The following VDAC1 variants were observed in gnomAD, a reference collection of about 807,000 sequenced individuals.
The protein encoded by VDAC1 is non-selective voltage-gated ion channel VDAC1.
VDAC1 carries 10 observed loss-of-function variants against 34.7 expected under a neutral mutation model. The observed-to-expected ratio is 0.29, with a 90% confidence interval of 0.18 to 0.49. The LOEUF (loss-of-function observed/expected upper bound fraction) is 0.49. Among genes scored for constraint, VDAC1 ranks in the 20% least tolerant of loss-of-function variants. The pLI is 0.99. For synonymous variants in VDAC1, 130 were observed against 136.0 expected, an observed-to-expected ratio of 0.96 and a Z score of 0.30; for missense variants, 230 against 347.9, an observed-to-expected ratio of 0.66 and a Z score of 2.69.
chr5:134,110,501 C>T, the VDAC1 span, among the ~76,000 whole-genome samples: 1 of 152,232 alleles, frequency 6.6e-6, no homozygotes, highest in Non-Finnish European at 1.5e-5. Flanking sequence ...CACGCCCCAA[C>T]AAACAGTGAA....
At chr5:134,094,074 C>T in the VDAC1 span, among the ~76,000 whole-genome samples, 3 of 152,184 alleles carry the variant, frequency 2.0e-5, no homozygotes, top group African/African-American at 4.8e-5. Flanking sequence ...GGCCAGTGAG[C>T]GGTGAAGTGG....
the VDAC1 span, among the ~76,000 whole-genome samples, chr5:134,057,768 C>T: frequency 6.6e-6 from 1 of 152,040 alleles, no homozygotes; most frequent in Non-Finnish European, 1.5e-5. Flanking sequence ...TCTTGACCCC[C>T]TTGCCCCTGC....
chr5:134,086,714 CCTT>C, the VDAC1 span, among the ~76,000 whole-genome samples: 1 of 151,912 alleles, frequency 6.6e-6, no homozygotes, highest in African/African-American at 2.4e-5. Flanking sequence ...TTCCCCTTCT[CCTT>C]CTTTTCTTGG....
At chr5:134,018,213 A>G in the VDAC1 span, among the ~76,000 whole-genome samples, 1 of 152,232 alleles carries the variant, frequency 6.6e-6, no homozygotes, top group Non-Finnish European at 1.5e-5. Flanking sequence ...CAGAAGGCCA[A>G]CAAGGAGCAG....
the VDAC1 span, among the ~76,000 whole-genome samples, chr5:134,015,504 C>T: frequency 6.6e-6 from 1 of 152,154 alleles, no homozygotes; most frequent in East Asian, 1.9e-4. Context: ...TATTTATAAG[C>T]CACCCAGTCT....
chr5:134,094,494 G>A, the VDAC1 span, among the ~76,000 whole-genome samples: 6 of 152,040 alleles, frequency 3.9e-5, no homozygotes, highest in Non-Finnish European at 7.4e-5. Flanking sequence ...TCAGGAGATC[G>A]AGACCATCCT....
intron 6 of VDAC1, 160 bp from the exon 7 acceptor site, chr5:133,976,181 G>T: frequency 1.2e-6 from 1 of 800,352 alleles, no homozygotes; most frequent in Non-Finnish European, 2.0e-6. Flanking sequence ...CACAAAACAG[G>T]TACTAAATTA....
chr5:134,052,416 C>T, the VDAC1 span, among the ~76,000 whole-genome samples: 3 of 152,012 alleles, frequency 2.0e-5, no homozygotes, highest in Non-Finnish European at 4.4e-5. Context: ...GCAGCCTCGA[C>T]CTTGCAGGTT....
chr5:133,995,622 CCCT>C (rs2126993649), intron 1 of VDAC1, among the ~76,000 whole-genome samples: 1 of 152,102 alleles, frequency 6.6e-6, no homozygotes, highest in South Asian at 2.1e-4. Context: ...TGGTAGCTTC[CCCT>C]CCTTTTTGTG....
chr5:134,026,378 G>A, the VDAC1 span, among the ~76,000 whole-genome samples: 19 of 152,002 alleles, frequency 1.2e-4, no homozygotes, highest in African/African-American at 4.6e-4. Flanking sequence ...AGCCAGGCGT[G>A]GTGGCGGGCG....
chr5:134,004,145 G>T (rs1296275771), intron 1 of VDAC1, among the ~76,000 whole-genome samples: 2 of 151,980 alleles, frequency 1.3e-5, no homozygotes, highest in African/African-American at 2.4e-5. Flanking sequence ...GCCAGGGCGC[G>T]TGGGCCTGGG....
chr5:134,047,760 T>C, the VDAC1 span, among the ~76,000 whole-genome samples: 1 of 152,142 alleles, frequency 6.6e-6, no homozygotes, highest in African/African-American at 2.4e-5. Flanking sequence ...AATCTGCACA[T>C]GGCCCAGTGC....
At chr5:134,053,173 C>T in the VDAC1 span, among the ~76,000 whole-genome samples, 2 of 152,154 alleles carry the variant, frequency 1.3e-5, no homozygotes, top group Non-Finnish European at 2.9e-5. Context: ...CAGTGCATAA[C>T]TGAGCAGGGT....
chr5:133,995,308 TGA>T (rs1753256293), intron 1 of VDAC1, among the ~76,000 whole-genome samples: 1 of 152,208 alleles, frequency 6.6e-6, no homozygotes, highest in Non-Finnish European at 1.5e-5. Context: ...AGCACGCAAG[TGA>T]ACTTGCTGGT....
At chr5:134,064,696 T>C in the VDAC1 span, among the ~76,000 whole-genome samples, 1 of 147,486 alleles carries the variant, frequency 6.8e-6, no homozygotes, top group Admixed American at 7.0e-5. Context: ...CATAAAACTA[T>C]TCAATTTTTC....
chr5:134,004,162 G>A (rs1290984545), intron 1 of VDAC1, among the ~76,000 whole-genome samples: 1 of 152,066 alleles, frequency 6.6e-6, no homozygotes, highest in Non-Finnish European at 1.5e-5. Context: ...TGGGGACTCG[G>A]GGCCACGGTC....
intron 6 of VDAC1, among the ~76,000 whole-genome samples, chr5:133,979,063 A>G (rs1752586647): frequency 1.3e-5 from 2 of 152,192 alleles, no homozygotes; most frequent in Non-Finnish European, 2.9e-5. Context: ...AAATTCATCT[A>G]TATGAAGCAC....
At chr5:134,085,359 C>T in the VDAC1 span, among the ~76,000 whole-genome samples, 5 of 152,076 alleles carry the variant, frequency 3.3e-5, no homozygotes, top group East Asian at 5.9e-4. Flanking sequence ...TGAGCCACCG[C>T]GTGTGGCCCG....
intron 5 of VDAC1, among the ~76,000 whole-genome samples, chr5:133,983,521 A>G (rs1165427345): frequency 1.3e-5 from 2 of 152,222 alleles, no homozygotes; most frequent in East Asian, 3.9e-4. Context: ...ATTTTTCTGT[A>G]TATTTTTGTA....
Sources: gnomAD v4.1 joint callset for allele counts (sites outside exome capture counted in the v4.1 genomes callset) on GRCh38, gnomAD v4.1.1 for gene constraint, MANE v1.5 for transcripts, NCBI Gene and HGNC (gene_info 2026-07-23, HGNC 2026-07-21) for gene names.